Variants in DNAAF11 observed in about 807,000 individuals in gnomAD.
The protein encoded by DNAAF11 is leucine rich repeat containing 6.
A neutral mutation model predicts 60.8 loss-of-function variants in DNAAF11; 45 were observed. The ratio of observed to expected loss-of-function variants is 0.74; its 90% CI spans 0.58 to 0.95. The LOEUF (loss-of-function observed/expected upper bound fraction) is 0.95, where lower values mean the gene tolerates loss of function less well. Among genes scored for constraint, DNAAF11 ranks in the 40% least tolerant of loss-of-function variants. The pLI is 0.00. For missense variants in DNAAF11, 546 were observed against 546.2 expected (o/e 1.00, Z 0.00); for synonymous variants, 191 against 183.5 (o/e 1.04, Z -0.33).
At chr8:132,606,032 C>T (rs776680171) in intron 10 of DNAAF11, among the ~76,000 whole-genome samples, 11 of 152,104 alleles carry the variant, frequency 7.2e-5, no homozygotes, top group Non-Finnish European at 1.3e-4. Context: ...CATATACAGT[C>T]ATATACAATG....
rs549578554 is a variant in DNAAF11, at chr8:132,610,828, T to C, written c.1044+466A>G. ...ATACCACTCCCATGATACAAAACCA[T>C]GTGCTAAAAAATAGCACTCTGTTTC... On this transcript the variant is annotated intron_variant, in intron 9 of 11. Coordinates refer to ENST00000620350, the MANE Select transcript of DNAAF11 (RefSeq NM_012472.6). 2.4e-4 allele frequency among the ~76,000 whole-genome samples: 37 copies of C among 152,310 alleles called. No individual in the cohort carries two copies. In the South Asian group the frequency reaches 7.7e-3, roughly 32 times the overall value.
chr8:132,597,484 C>T (rs1156774209), intron 10 of DNAAF11, among the ~76,000 whole-genome samples: 3 of 152,170 alleles, frequency 2.0e-5, no homozygotes, highest in Non-Finnish European at 1.5e-5. Flanking sequence ...GCCTGACCTT[C>T]ATCTGGTATC....
At chr8:132,586,703 C>T (rs1815937401) in intron 10 of DNAAF11, among the ~76,000 whole-genome samples, 2 of 152,130 alleles carry the variant, frequency 1.3e-5, no homozygotes, top group African/African-American at 2.4e-5. Flanking sequence ...AGAGGATACT[C>T]CCCTGTGCCT....
chr8:132,684,972 C>T, the DNAAF11 span: 1 of 152,186 alleles, frequency 6.6e-6, no homozygotes, highest in East Asian at 1.9e-4. Context: ...ACACACATTT[C>T]CACACAATGA....
At chr8:132,585,654 T>C (rs1815813457) in intron 10 of DNAAF11, among the ~76,000 whole-genome samples, 1 of 152,368 alleles carries the variant, frequency 6.6e-6, no homozygotes, top group Non-Finnish European at 1.5e-5. Flanking sequence ...AAGTATGCTA[T>C]GGAAGAATTG....
chr8:132,655,765 A>G (rs946618437), intron 3 of DNAAF11, among the ~76,000 whole-genome samples: 1 of 152,202 alleles, frequency 6.6e-6, no homozygotes, highest in African/African-American at 2.4e-5. Context: ...CAGAAGCACA[A>G]TAACATACCA....
At chr8:132,665,373 C>T (rs765476612) in intron 1 of DNAAF11, among the ~76,000 whole-genome samples, 1 of 152,106 alleles carries the variant, frequency 6.6e-6, no homozygotes, top group East Asian at 1.9e-4. Context: ...GTCCAAGGAG[C>T]ATTATTCGCC....
chr8:132,683,716 A>G, the DNAAF11 span, among the ~76,000 whole-genome samples: 6 of 152,112 alleles, frequency 3.9e-5, no homozygotes, highest in Non-Finnish European at 8.8e-5. Flanking sequence ...ATAGTTTCTC[A>G]TGTGTTACTT....
At chr8:132,575,924 G>A (rs1814700095) in intron 11 of DNAAF11, among the ~76,000 whole-genome samples, 1 of 152,142 alleles carries the variant, frequency 6.6e-6, no homozygotes, top group Admixed American at 6.6e-5. Context: ...AGGCCGCCTG[G>A]AGAACTGTTT....
At chr8:132,698,232 G>A in the DNAAF11 span, among the ~76,000 whole-genome samples, 5 of 152,144 alleles carry the variant, frequency 3.3e-5, no homozygotes, top group South Asian at 2.1e-4. Context: ...CCCACACTTC[G>A]TAATAGACCA....
chr8:132,616,659 C>A (rs960604733), intron 7 of DNAAF11, among the ~76,000 whole-genome samples: 4 of 152,044 alleles, frequency 2.6e-5, no homozygotes, highest in Non-Finnish European at 5.9e-5. Context: ...CTCTTTTAGT[C>A]GTCATAAGTG....
chr8:132,608,944 AT>A (rs1170090642), intron 10 of DNAAF11, among the ~76,000 whole-genome samples: 2 of 152,208 alleles, frequency 1.3e-5, no homozygotes, highest in Non-Finnish European at 2.9e-5. Flanking sequence ...GAATTATTAA[AT>A]TATTACAGAA....
At chr8:132,628,852 G>A (rs1820530863) in intron 5 of DNAAF11, among the ~76,000 whole-genome samples, 1 of 152,134 alleles carries the variant, frequency 6.6e-6, no homozygotes, top group Non-Finnish European at 1.5e-5. Context: ...TTTAACTTTT[G>A]TAAATTTTTA....
chr8:132,582,192 T>G (rs1320838122), intron 11 of DNAAF11, among the ~76,000 whole-genome samples: 3 of 152,216 alleles, frequency 2.0e-5, no homozygotes, highest in Admixed American at 2.0e-4. Context: ...TGGGATAACG[T>G]GCACAATAGA....
chr8:132,645,657 G>A (rs1822306987), intron 3 of DNAAF11, among the ~76,000 whole-genome samples: 1 of 152,174 alleles, frequency 6.6e-6, no homozygotes, highest in African/African-American at 2.4e-5. Context: ...ATGACCTGAT[G>A]GAGCTGACAA....
intron 1 of DNAAF11, among the ~76,000 whole-genome samples, chr8:132,668,606 T>C (rs1183563778): frequency 2.0e-5 from 3 of 149,380 alleles, no homozygotes; most frequent in African/African-American, 7.4e-5. Flanking sequence ...GCCTGGCTAA[T>C]TTTTTTTTTG....
chr8:132,608,315 T>C, intron 10 of DNAAF11: 1 of 202,762 alleles, frequency 4.9e-6, no homozygotes, highest in Non-Finnish European at 1.0e-5. Context: ...AGGGAAAATA[T>C]TATTCATAAT....
At chr8:132,641,538 G>T (rs1821855501) in intron 3 of DNAAF11, among the ~76,000 whole-genome samples, 1 of 152,146 alleles carries the variant, frequency 6.6e-6, no homozygotes, top group South Asian at 2.1e-4. Flanking sequence ...ATGGGAGGAG[G>T]AAGAGAGGGA....
chr8:132,615,650 G>C (rs967441369), intron 7 of DNAAF11, among the ~76,000 whole-genome samples: 1 of 152,118 alleles, frequency 6.6e-6, no homozygotes, highest in Admixed American at 6.5e-5. Context: ...GGTTCAAAGA[G>C]GTTGGCATAG....
Sources: gnomAD v4.1 joint callset for allele counts (sites outside exome capture counted in the v4.1 genomes callset) on GRCh38, gnomAD v4.1.1 for gene constraint, MANE v1.5 for transcripts, NCBI Gene and HGNC (gene_info 2026-07-23, HGNC 2026-07-21) for gene names.